Variants in BCAT1 observed in about 807,000 individuals in gnomAD.
The protein encoded by BCAT1 is branched-chain-amino-acid aminotransferase, cytosolic.
BCAT1 carries 48 observed loss-of-function variants against 52.4 expected under a neutral mutation model. That is an observed-to-expected ratio of 0.92 (90% CI 0.73 to 1.16). The LOEUF is 1.16. Ranked by LOEUF, BCAT1 falls within the 50% of genes most tolerant of loss-of-function variation. BCAT1 has a pLI of 0.00. For missense variants in BCAT1, 451 were observed against 457.1 expected (o/e 0.99, Z 0.12); for synonymous variants, 167 against 161.3 (o/e 1.04, Z -0.27).
At chr12:24,879,564 A>T (rs1942435829) in intron 4 of BCAT1, among the ~76,000 whole-genome samples, 1 of 152,214 alleles carries the variant, frequency 6.6e-6, no homozygotes, top group African/African-American at 2.4e-5. Flanking sequence ...ATTGACCTGT[A>T]ACAGCAATAA....
chr12:24,852,048 T>C (rs1030116309), intron 5 of BCAT1, among the ~76,000 whole-genome samples: 2 of 151,274 alleles, frequency 1.3e-5, no homozygotes, highest in East Asian at 3.9e-4. Flanking sequence ...CTTGTGAGAG[T>C]GAGTGAGTTC....
chr12:24,945,325 GCACCTCA>G (rs1206399262), intron 1 of BCAT1: 1 of 152,124 alleles, frequency 6.6e-6, no homozygotes, highest in Non-Finnish European at 1.5e-5. Flanking sequence ...AATGTGAGTT[GCACCTCA>G]CATTTATTTC....
At chr12:24,849,998 C>A in intron 5 of BCAT1, 49 bp from the exon 6 acceptor site, 2 of 1,498,996 alleles carry the variant, frequency 1.3e-6, no homozygotes, top group Admixed American at 2.0e-5. Flanking sequence ...ATGTGGACAC[C>A]AGTCTTAAAG....
chr12:24,948,080 G>A (rs1235051404), intron 1 of BCAT1, among the ~76,000 whole-genome samples: 2 of 152,338 alleles, frequency 1.3e-5, no homozygotes, highest in Admixed American at 6.5e-5. Context: ...ACTCTGAAAC[G>A]AGGCTTTATT....
intron 3 of BCAT1, among the ~76,000 whole-genome samples, chr12:24,886,863 T>G (rs1479226658): frequency 2.1e-5 from 3 of 145,626 alleles, no homozygotes; most frequent in Non-Finnish European, 3.0e-5. Context: ...CCGGGCATAG[T>G]GGCTCACATG....
At chr12:24,933,450 T>C (rs1943708892) in intron 1 of BCAT1, among the ~76,000 whole-genome samples, 1 of 152,158 alleles carries the variant, frequency 6.6e-6, no homozygotes. Context: ...ATGTGTTATA[T>C]GGCCTTTCCC....
chr12:24,902,827 A>T, intron 1 of BCAT1: 1 of 1,360,788 alleles, frequency 7.3e-7, no homozygotes, highest in South Asian at 1.3e-5. Context: ...GGCGGAATGG[A>T]GGGCAAGGCG....
chr12:24,860,979 C>T (rs1348824929), intron 5 of BCAT1, among the ~76,000 whole-genome samples: 2 of 152,180 alleles, frequency 1.3e-5, no homozygotes, highest in Non-Finnish European at 2.9e-5. Context: ...TATTGCTATG[C>T]TTTATACAAA....
At chr12:24,900,041 ATT>A (rs1943057018) in intron 2 of BCAT1, among the ~76,000 whole-genome samples, 1 of 151,280 alleles carries the variant, frequency 6.6e-6, no homozygotes, top group African/African-American at 2.4e-5. Context: ...ATATATATAT[ATT>A]TTGTTTGTTT....
intron 5 of BCAT1, among the ~76,000 whole-genome samples, chr12:24,859,553 G>A (rs573271361): frequency 8.8e-5 from 13 of 148,314 alleles, no homozygotes; most frequent in South Asian, 8.5e-4. Context: ...CCCGGGAGAC[G>A]GAGCTTGCAG....
rs1942407399 is a variant in BCAT1, at chr12:24,878,516, G to A, written c.510+14C>T. On this transcript the variant is annotated intron_variant, in intron 5 of 10. Coordinates refer to ENST00000261192, the MANE Select transcript of BCAT1 (RefSeq NM_005504.7). Reference sequence around the variant, plus strand: ...GCCCAGCAAAGTACCCCAAAATAAAGAGTCAGTTTGCACCTCAGTTCCAAT... The same window carrying A: ...GCCCAGCAAAGTACCCCAAAATAAAAAGTCAGTTTGCACCTCAGTTCCAAT... 2.5e-6 allele frequency: 4 copies of A among 1,596,592 alleles called. No homozygotes were observed. The highest frequency in any genetic ancestry group is 3.4e-6 in the Non-Finnish European group (4 of 1,173,282).
At chr12:24,874,697 G>C (rs7975904) in intron 5 of BCAT1, among the ~76,000 whole-genome samples, 31,230 of 152,208 alleles carry the variant, frequency 0.21, 3,914 homozygotes, top group Non-Finnish European at 0.29. Flanking sequence ...TCTCTGGAGA[G>C]TTTGTTGAAT....
chr12:24,852,635 G>GA (rs1330692677), intron 5 of BCAT1, among the ~76,000 whole-genome samples: 2 of 152,098 alleles, frequency 1.3e-5, no homozygotes, highest in Non-Finnish European at 2.9e-5. Flanking sequence ...AGCACAGATA[G>GA]AAAATGGAAT....
chr12:24,928,366 C>T (rs889879222), intron 1 of BCAT1, among the ~76,000 whole-genome samples: 1 of 152,136 alleles, frequency 6.6e-6, no homozygotes, highest in African/African-American at 2.4e-5. Flanking sequence ...GGGATGAGCA[C>T]AGTAGCCCAT....
intron 6 of BCAT1, among the ~76,000 whole-genome samples, chr12:24,848,531 C>T (rs1028167723): frequency 1.3e-5 from 2 of 152,226 alleles, no homozygotes; most frequent in Admixed American, 1.3e-4. Context: ...TTATCTTTTT[C>T]CTAAACAGGT....
chr12:24,911,302 A>C (rs922367777), intron 1 of BCAT1, among the ~76,000 whole-genome samples: 10 of 152,154 alleles, frequency 6.6e-5, no homozygotes, highest in Non-Finnish European at 1.3e-4. Context: ...CAGATGACAT[A>C]ATCTGTAACT....
intron 7 of BCAT1, 99 bp from the exon 8 acceptor site, chr12:24,836,695 G>C: frequency 9.6e-7 from 1 of 1,043,166 alleles, no homozygotes; most frequent in Non-Finnish European, 1.4e-6. Context: ...AATTTTGCTA[G>C]CAACAAACAT....
intron 8 of BCAT1, among the ~76,000 whole-genome samples, chr12:24,835,556 TTTA>T (rs1446438112): frequency 0.023 from 876 of 38,818 alleles, 9 homozygotes; most frequent in African/African-American, 0.04. Flanking sequence ...TTTTATTTTA[TTTA>T]TTTATTTATT....
At chr12:24,947,549 C>G (rs1283335545) in intron 1 of BCAT1, among the ~76,000 whole-genome samples, 2 of 152,156 alleles carry the variant, frequency 1.3e-5, no homozygotes, top group African/African-American at 4.8e-5. Context: ...TTAATGGAAC[C>G]TTCCATACTT....
Sources: gnomAD v4.1 joint callset for allele counts (sites outside exome capture counted in the v4.1 genomes callset) on GRCh38, gnomAD v4.1.1 for gene constraint, MANE v1.5 for transcripts, NCBI Gene and HGNC (gene_info 2026-07-23, HGNC 2026-07-21) for gene names.